Variants in PLXNB3 observed in about 807,000 individuals in gnomAD.
PLXNB3 encodes the protein plexin B3, also known as plexin-B3.
In PLXNB3, 80 loss-of-function variants were observed where a neutral mutation model predicts 125.7. The observed-to-expected ratio is 0.64, with a 90% CI of 0.53 to 0.77. The LOEUF (loss-of-function observed/expected upper bound fraction) is 0.77, where lower values mean the gene tolerates loss of function less well. Ranked by LOEUF, PLXNB3 falls within the 30% of genes least tolerant of loss-of-function variation. PLXNB3 has a pLI of 0.00. For missense variants in PLXNB3, 1,836 were observed against 1,729.3 expected (o/e 1.06, Z -1.09); for synonymous variants, 954 against 783.3 (o/e 1.22, Z -3.64).
At chrX:153,778,819 G>A (rs782286530) in intron 35 of PLXNB3, 116 bp from the exon 36 acceptor site, 89 of 1,110,167 alleles carry the variant, frequency 8.0e-5, no homozygotes, top group East Asian at 9.9e-5. Context: ...CCAGGGAGAC[G>A]CCAGGCAGCC....
Position 153,777,955 on chromosome X carries a change from C to T in PLXNB3, c.5269C>T (p.Leu1757=). The T allele has an allele frequency of 1.7e-6, 2 of 1,207,518 alleles. No individual in the cohort carries two copies. The highest frequency in any genetic ancestry group is 3.0e-5 in the East Asian group (1 of 33,814). Residue 1757 remains leucine (L), a synonymous_variant, in exon 32 of 36, where the codon CTG becomes TTG. Coordinates refer to ENST00000361971, the MANE Select transcript of PLXNB3 (RefSeq NM_005393.3). ...LHIWKTNSLL[L]RFWVNALKNP... Reference sequence around the variant, plus strand: ...CCTGCCCTGCGCCCCCAGTCTGCTGCTGCGGTTCTGGGTGAATGCCTTGAA... The same window carrying T: ...CCTGCCCTGCGCCCCCAGTCTGCTGTTGCGGTTCTGGGTGAATGCCTTGAA...
chrX:153,766,355 G>T, intron 2 of PLXNB3: 1 of 1,130,162 alleles, frequency 8.8e-7, no homozygotes. Flanking sequence ...TGGTCCCTTG[G>T]GGCACACGGT....
intron 16 of PLXNB3, 140 bp downstream of exon 16, chrX:153,772,427 A>C: frequency 2.0e-6 from 1 of 512,407 alleles, no homozygotes; most frequent in Non-Finnish European, 3.2e-6. Flanking sequence ...AAGCCATGGC[A>C]TGTGAGTGGA....
rs1557060102 is a variant in PLXNB3 at position 153,768,297 on chromosome X, A to G, written c.1135A>G (p.Ile379Val). 4 of 1,207,315 alleles carry G rather than the reference A, an allele frequency of 3.3e-6. No homozygotes were observed. The South Asian group carries it at 5.3e-5, about 16-fold the overall frequency. The change falls in exon 4 of 36, where the codon ATT (isoleucine) becomes GTT (valine). Residue 379 changes from isoleucine to valine, a missense_variant. Physicochemically the swap from Ile to Val is conservative, Grantham distance 29. Transcript: ENST00000361971. ...PCGDEHTPSP[I>V]AGRQPLEVQP... is the part of the protein sequence containing the mutation. ...TGGCGACGAGCACACCCCCAGCCCCATTGCTGGCCGCCAGCCCCTGGAGGT... is the reference window on the plus strand; with the variant it reads ...TGGCGACGAGCACACCCCCAGCCCCGTTGCTGGCCGCCAGCCCCTGGAGGT...
At chrX:153,773,060 A>C in intron 17 of PLXNB3, 44 bp downstream of exon 17, 1 of 1,126,070 alleles carries the variant, frequency 8.9e-7, no homozygotes, top group Non-Finnish European at 1.2e-6. Context: ...GCACTCCCAT[A>C]GGCCTCAGTG....
chrX:153,766,463 G>A (rs1301471974), intron 2 of PLXNB3: 20 of 1,068,286 alleles, frequency 1.9e-5, no homozygotes, highest in African/African-American at 9.5e-5. Flanking sequence ...CAGCTCCCGC[G>A]GCCTCCCTCC....
At chrX:153,773,163 G>C (rs782779224) in intron 17 of PLXNB3, 67 bp from the exon 18 acceptor site, 10 of 1,113,796 alleles carry the variant, frequency 9.0e-6, no homozygotes, top group Non-Finnish European at 1.1e-5. Flanking sequence ...TCCTACGGGG[G>C]TTGGGCCAGG....
At chrX:153,771,718 T>A (rs1378137194) in intron 14 of PLXNB3, 63 bp downstream of exon 14, 1 of 1,123,570 alleles carries the variant, frequency 8.9e-7, no homozygotes, top group African/African-American at 1.8e-5. Flanking sequence ...CACTGTCCTG[T>A]CCTCCGTGAT....
chrX:153,777,091 C>T, intron 29 of PLXNB3, 111 bp downstream of exon 29: 2 of 1,001,527 alleles, frequency 2.0e-6, no homozygotes, highest in Non-Finnish European at 2.7e-6. Flanking sequence ...GATCTTCTGC[C>T]CATCTCCTTC....
rs2091972021 is a variant in PLXNB3, at chrX:153,775,132, T to C, written c.4155+29T>C. ...AGGGCCGTGTGGCGGGAGTGCCCAG[T>C]GGGCAAGGAGGTGGGGCTGGGGAAC... On this transcript the variant is annotated intron_variant, in intron 24 of 35. Transcript: ENST00000361971. The C allele has an allele frequency of 2.6e-6, 3 of 1,172,129 alleles. No homozygotes were observed. In the South Asian group the frequency reaches 5.9e-5, roughly 23 times the overall value.
chrX:153,767,775 C>G lies in PLXNB3; in HGVS notation c.948C>G (p.Ala316=). 8.5e-7 allele frequency: 1 copy of G among 1,172,118 alleles called. No individual in the cohort carries two copies. Among genetic ancestry groups the G allele is most frequent in the Non-Finnish European group, 1.1e-6 (1 of 875,679 alleles). Residue 316 remains alanine, a synonymous_variant, in exon 3 of 36, where the codon GCC becomes GCG. Transcript: ENST00000361971. ...GGGGCACCCAGGCGGCGCTCTGTGCCTTCCCCATGGTGGAGCTGGGTGCCA... is the reference window on the plus strand; with the variant it reads ...GGGGCACCCAGGCGGCGCTCTGTGCGTTCCCCATGGTGGAGCTGGGTGCCA... ...GPRGTQAALC[A]FPMVELGASM...
At chrX:153,772,037 G>A (rs2091936163) in intron 15 of PLXNB3, 22 bp downstream of exon 15, 2 of 1,174,489 alleles carry the variant, frequency 1.7e-6, no homozygotes, top group Non-Finnish European at 1.1e-6. Flanking sequence ...GGAGGGTGAA[G>A]ATGGGTGGGG....
rs149945750 is a variant in PLXNB3 at position 153,770,832 on chromosome X, G to A, written c.2085G>A (p.Val695=). 22 of 1,208,410 alleles carry A rather than the reference G, an allele frequency of 1.8e-5. No individual in the cohort carries two copies. Among genetic ancestry groups the A allele is most frequent in the Non-Finnish European group, 9.0e-6 (8 of 893,664 alleles). The change falls in exon 11 of 36, where the codon GTG becomes GTA. Residue 695 remains valine, a synonymous_variant. Coordinates refer to ENST00000361971, the MANE Select transcript of PLXNB3 (RefSeq NM_005393.3). ...EGLAGPHLVP[V]GWESHLALRV... The stretch of plus-strand genomic sequence containing the variant: ...TGGCAGGTCCCCACCTGGTGCCTGT[G>A]GGCTGGGAGAGCCATTTGGCCCTAC...
At chrX:153,769,786 T>G (rs1427182961) in intron 6 of PLXNB3, 21 bp from the exon 7 acceptor site, 27 of 1,198,363 alleles carry the variant, frequency 2.3e-5, no homozygotes, top group Non-Finnish European at 2.9e-5. Flanking sequence ...CACGGTGACC[T>G]GATGGACCCC....
In PLXNB3 at chrX:153,770,243, G is replaced by A; in HGVS notation, c.1781G>A (p.Gly594Asp). The stretch of plus-strand genomic sequence containing the variant: ...GACCAGGTGCCACTTAACCCTCCAG[G>A]CACAGGTGAGTGGCCCATGGGGTAG... ...PQDQVPLNPPGTDHVTVPLAL... is the reference protein window; with the variant it reads ...PQDQVPLNPPDTDHVTVPLAL... Residue 594 changes from glycine (G) to aspartate (D), a missense_variant, in exon 8 of 36, where the codon GGC (glycine) becomes GAC (aspartate). Transcript: ENST00000361971. 1 of 1,210,539 alleles carries A rather than the reference G, an allele frequency of 8.3e-7. No homozygotes were observed. The highest frequency in any genetic ancestry group is 1.1e-6 in the Non-Finnish European group (1 of 895,219).
At position 153,774,249 on chromosome X, in the gene PLXNB3, T is replaced by C. The variant is rs1557063139; in HGVS notation, c.3583T>C (p.Cys1195Arg). The C allele has an allele frequency of 8.4e-7, 1 of 1,194,315 alleles. No homozygotes were observed. The highest frequency in any genetic ancestry group is 2.2e-5 in the Admixed American group (1 of 45,106). Residue 1195 changes from cysteine to arginine, a missense_variant, in exon 21 of 36, where the codon TGC (cysteine) becomes CGC (arginine). Transcript: ENST00000361971. ...EVRVHIGRGECLVKTLTRTHL... is the reference protein window; with the variant it reads ...EVRVHIGRGERLVKTLTRTHL... ...GCGCGTGCACATCGGCCGCGGCGAG[T>C]GCCTGGTGAAGACGCTCACGCGCAC...
At chrX:153,768,865 G>A in intron 4 of PLXNB3, 83 bp from the exon 5 acceptor site, 1 of 1,078,503 alleles carries the variant, frequency 9.3e-7, no homozygotes. Context: ...CTAAAAAGGA[G>A]CCCCCACTAG....
In PLXNB3 at chrX:153,771,456, G is replaced by T. The variant is rs200739097; in HGVS notation, c.2348-30G>T. ...GGGCAGGGTGGGTGGCAGACAGGAGGCGCTCAGCACACTGCCTGACCCTCC... is the reference window on the plus strand; with the variant it reads ...GGGCAGGGTGGGTGGCAGACAGGAGTCGCTCAGCACACTGCCTGACCCTCC... On this transcript the variant is annotated intron_variant, in intron 13 of 35. Coordinates refer to ENST00000361971, the MANE Select transcript of PLXNB3 (RefSeq NM_005393.3). 146 of 1,207,817 alleles carry T rather than the reference G, an allele frequency of 1.2e-4. No individual in the cohort carries two copies. In the East Asian group the frequency reaches 4.2e-3, roughly 35 times the overall value.
At chrX:153,766,822 G>A in intron 2 of PLXNB3, 51 bp from the exon 3 acceptor site, 1 of 1,126,230 alleles carries the variant, frequency 8.9e-7, no homozygotes, top group Non-Finnish European at 1.2e-6. Context: ...CCTTCCTCTG[G>A]TCCTCTATCT....
Sources: allele counts gnomAD v4.1 joint callset, GRCh38; gene constraint gnomAD v4.1.1; transcripts MANE v1.5; gene names NCBI Gene and HGNC (gene_info 2026-07-23, HGNC 2026-07-21).